DDX50: variants seen among roughly 807,000 people sequenced by gnomAD.
DDX50 encodes the protein ATP-dependent RNA helicase DDX50.
A neutral mutation model predicts 94.8 loss-of-function variants in DDX50; 56 were observed. The observed-to-expected ratio is 0.59, with a 90% CI of 0.48 to 0.74. DDX50 has a LOEUF of 0.74. DDX50 is among the 30% of genes least tolerant of loss of function. The probability of loss-of-function intolerance (pLI) is 0.00; values close to 1 mark genes in which losing one functional copy is unlikely to be tolerated. For missense variants in DDX50, 713 were observed against 881.2 expected (o/e 0.81, Z 2.42); for synonymous variants, 264 against 295.4 (o/e 0.89, Z 1.09).
intron 8 of DDX50, among the ~76,000 whole-genome samples, chr10:68,920,659 C>A (rs10128256): frequency 0.067 from 10,186 of 151,550 alleles, 433 homozygotes; most frequent in Middle Eastern, 0.12. Context: ...TAAAAAATAT[C>A]TTTTGGCTGG....
chr10:68,913,725 A>G (rs375456019), intron 6 of DDX50, 149 bp downstream of exon 6: 3 of 736,100 alleles, frequency 4.1e-6, no homozygotes, highest in East Asian at 6.0e-5. Flanking sequence ...TGAAAAAGAA[A>G]GTATGATAGC....
chr10:68,916,077 C>T (rs1304416828), intron 7 of DDX50, among the ~76,000 whole-genome samples: 1 of 151,942 alleles, frequency 6.6e-6, no homozygotes, highest in Non-Finnish European at 1.5e-5. Flanking sequence ...CTTTGTGGGC[C>T]GGGCGTGGTA....
At chr10:68,905,821 G>A (rs1589247659) in intron 1 of DDX50, among the ~76,000 whole-genome samples, 1 of 152,336 alleles carries the variant, frequency 6.6e-6, no homozygotes, top group East Asian at 1.9e-4. Context: ...ACTGAGGCAG[G>A]AGAATCACTT....
At chr10:68,906,595 T>G in intron 1 of DDX50, 116 bp from the exon 2 acceptor site, 1 of 1,162,482 alleles carries the variant, frequency 8.6e-7, no homozygotes, top group East Asian at 2.4e-5. Context: ...ACCAGGCAGG[T>G]TTTCAAAGTA....
intron 8 of DDX50, among the ~76,000 whole-genome samples, chr10:68,921,749 G>T (rs948744699): frequency 2.6e-5 from 4 of 152,020 alleles, no homozygotes; most frequent in African/African-American, 9.7e-5. Flanking sequence ...AATTATTTTG[G>T]CTCTATATAA....
intron 7 of DDX50, among the ~76,000 whole-genome samples, chr10:68,917,147 T>C (rs1841818580): frequency 6.6e-6 from 1 of 152,058 alleles, no homozygotes; most frequent in Non-Finnish European, 1.5e-5. Flanking sequence ...TTTTTTTCTT[T>C]GCAATTTTCT....
chr10:68,908,367 C>T (rs1215778085), intron 2 of DDX50, among the ~76,000 whole-genome samples: 1 of 143,590 alleles, frequency 7.0e-6, no homozygotes. Flanking sequence ...AGGAGAATCG[C>T]TTGAACCTGG....
intron 8 of DDX50, among the ~76,000 whole-genome samples, chr10:68,922,152 T>C (rs1234286271): frequency 6.6e-6 from 1 of 152,130 alleles, no homozygotes; most frequent in Non-Finnish European, 1.5e-5. Flanking sequence ...ACATCAAATC[T>C]TTTTCCTCTT....
chr10:68,923,217 T>TA lies in DDX50; in HGVS notation c.1239+3236_1239+3237insA, dbSNP rs1190878552. Reference sequence around the variant, plus strand: ...ATATATTTAATATATATAATATATATTTTATTTTTTTTTCGGAGATGGGGT... The same window carrying TA: ...ATATATTTAATATATATAATATATATATTTATTTTTTTTTCGGAGATGGGGT... On this transcript the variant is annotated intron_variant, in intron 8 of 14. Coordinates refer to ENST00000373585, the MANE Select transcript of DDX50 (RefSeq NM_024045.2). Among the ~76,000 whole-genome samples, 9 of 11,958 alleles carry TA rather than the reference T, an allele frequency of 7.5e-4. No individual in the cohort carries two copies. In the African/African-American group the frequency reaches 8.7e-3, roughly 12 times the overall value. The allele number at this position is 11,958 out of a possible 152,430, so 7.8% of individuals were successfully genotyped here. A position where few individuals can be genotyped will look rare whatever the true frequency, so the allele number is the denominator to read the frequency against.
At chr10:68,933,391 G>C (rs1589267797) in intron 8 of DDX50, among the ~76,000 whole-genome samples, 2 of 152,004 alleles carry the variant, frequency 1.3e-5, no homozygotes, top group Middle Eastern at 6.8e-3. Flanking sequence ...TGTTTCTAAA[G>C]GTGAAAATGT....
chr10:68,927,527 A>G (rs1842122344), intron 8 of DDX50, among the ~76,000 whole-genome samples: 1 of 152,250 alleles, frequency 6.6e-6, no homozygotes, highest in Admixed American at 6.5e-5. Flanking sequence ...TTTAAATCTC[A>G]GTTATGCTAC....
chr10:68,915,040 A>G (rs922847452), intron 7 of DDX50, among the ~76,000 whole-genome samples: 28 of 148,036 alleles, frequency 1.9e-4, no homozygotes, highest in Non-Finnish European at 3.3e-4. Flanking sequence ...AAAAAAAACC[A>G]CAGAAGTCAG....
chr10:68,930,109 C>T (rs1330015692), intron 8 of DDX50, among the ~76,000 whole-genome samples: 7 of 133,260 alleles, frequency 5.3e-5, no homozygotes, highest in African/African-American at 9.0e-5. Flanking sequence ...CCTTTCTTTC[C>T]TTTCCTTTTT....
At chr10:68,907,964 T>G (rs952913989) in intron 2 of DDX50, among the ~76,000 whole-genome samples, 3 of 152,168 alleles carry the variant, frequency 2.0e-5, no homozygotes, top group African/African-American at 7.2e-5. Context: ...AAGGAGATGA[T>G]GAAGAGGTGT....
chr10:68,914,806 G>T (rs1466001183), intron 7 of DDX50, among the ~76,000 whole-genome samples: 1 of 152,058 alleles, frequency 6.6e-6, no homozygotes, highest in Non-Finnish European at 1.5e-5. Context: ...CAGATCACTT[G>T]AGGTCAGGAG....
intron 12 of DDX50, among the ~76,000 whole-genome samples, chr10:68,937,775 A>G (rs930183639): frequency 2.0e-5 from 3 of 152,020 alleles, no homozygotes; most frequent in African/African-American, 7.2e-5. Context: ...TAGTAGAGAC[A>G]GGGTTTCACC....
Position 68,934,301 on chromosome 10 carries a change from G to T in DDX50, c.1342G>T (p.Ala448Ser), listed in dbSNP as rs1442634125. The change falls in exon 9 of 15, where the codon GCT (alanine) becomes TCT (serine). Residue 448 changes from alanine to serine, a missense_variant. This residue lies in a region of DDX50 where 428 missense variants were observed against 602.3 expected (regional missense o/e 0.71). Coordinates refer to ENST00000373585, the MANE Select transcript of DDX50 (RefSeq NM_024045.2). This position sits in a 1 kb window ranked among gnomAD's most constrained non-coding sequence, Gnocchi z 4.0. Reference sequence around the variant, plus strand: ...TAAAGTTTTGGTGGCAACCAATGTGGCTGCCCGTGGTTTGGACATTCCTGA... The same window carrying T: ...TAAAGTTTTGGTGGCAACCAATGTGTCTGCCCGTGGTTTGGACATTCCTGA... ...SFKVLVATNV[A>S]ARGLDIPEVD... The T allele has an allele frequency of 6.2e-7, 1 of 1,613,678 alleles. No homozygotes were observed. The highest frequency in any genetic ancestry group is 8.5e-7 in the Non-Finnish European group (1 of 1,179,870).
Position 68,934,769 on chromosome 10 carries a change from T to C in DDX50, c.1402-30T>C. 1 of 1,565,538 alleles carries C rather than the reference T, an allele frequency of 6.4e-7. No individual in the cohort carries two copies. Among genetic ancestry groups the C allele is most frequent in the Non-Finnish European group, 8.6e-7 (1 of 1,164,520 alleles). ...GGAATGACTGCAACTTGCTAGATTT[T>C]TAAAAAATATTACCTTTTATAATCT... On this transcript the variant is annotated intron_variant, in intron 9 of 14. Transcript: ENST00000373585. The surrounding 1 kb of genome is among the most constrained non-coding windows in gnomAD (Gnocchi z 4.0).
At chr10:68,929,820 GCC>G (rs1392484494) in intron 8 of DDX50, among the ~76,000 whole-genome samples, 4 of 145,702 alleles carry the variant, frequency 2.7e-5, no homozygotes, top group Admixed American at 7.2e-5. Flanking sequence ...TCCGTCCTCT[GCC>G]CCCGGGTTCA....
Sources: allele counts gnomAD v4.1 joint callset (sites outside exome capture counted in the v4.1 genomes callset), GRCh38; gene constraint gnomAD v4.1.1; regional missense constraint gnomAD v4.1.1; non-coding constraint Gnocchi (gnomAD v3.1); transcripts MANE v1.5; gene names NCBI Gene and HGNC (gene_info 2026-07-23, HGNC 2026-07-21).